DOCK8: variants seen among roughly 807,000 people sequenced by gnomAD.
DOCK8 encodes the protein dedicator of cytokinesis 8, also known as dedicator of cytokinesis protein 8.
A neutral mutation model predicts 245.6 loss-of-function variants in DOCK8; 141 were observed. That is an observed-to-expected ratio of 0.57 (90% CI 0.50 to 0.66). DOCK8 has a LOEUF of 0.66. Ranked by LOEUF, DOCK8 falls within the 30% of genes least tolerant of loss-of-function variation. The probability of loss-of-function intolerance (pLI) is 0.00; values close to 1 mark genes in which losing one functional copy is unlikely to be tolerated. For synonymous variants in DOCK8, 1,168 were observed against 970.2 expected (o/e 1.20, Z -3.79); for missense variants, 2,965 against 2,603.4 (o/e 1.14, Z -3.02).
chr9:370,087 G>C, intron 15 of DOCK8, 143 bp from the exon 16 acceptor site: 2 of 732,388 alleles, frequency 2.7e-6, no homozygotes, highest in Non-Finnish European at 4.9e-6. Context: ...ACAGGTGTGA[G>C]CCACTGCTCC....
At chr9:257,886 G>A (rs1025418288) in intron 1 of DOCK8, among the ~76,000 whole-genome samples, 1 of 152,220 alleles carries the variant, frequency 6.6e-6, no homozygotes, top group African/African-American at 2.4e-5. Context: ...GTCTGGCGGA[G>A]GCCTGATAGT....
chr9:343,317 AC>A (rs758601490), intron 14 of DOCK8, among the ~76,000 whole-genome samples: 1 of 151,904 alleles, frequency 6.6e-6, no homozygotes, highest in Admixed American at 6.6e-5. Context: ...ACATAGTGAG[AC>A]CCCCATCTCT....
At chr9:400,995 C>CCACCACCACCTCCTCCACCAT (rs2055052725) in intron 26 of DOCK8, among the ~76,000 whole-genome samples, 5 of 54,636 alleles carry the variant, frequency 9.2e-5, no homozygotes, top group South Asian at 6.7e-4. Context: ...TCCTCCACCA[C>CCACCACCACCTCCTCCACCAT]CACCACCATT....
At chr9:237,738 C>G (rs2047288395) in intron 1 of DOCK8, among the ~76,000 whole-genome samples, 1 of 152,120 alleles carries the variant, frequency 6.6e-6, no homozygotes. Context: ...CCTAGAAATC[C>G]CACACATTGA....
At chr9:382,384 G>C in intron 21 of DOCK8, 129 bp from the exon 22 acceptor site, 1 of 1,298,432 alleles carries the variant, frequency 7.7e-7, no homozygotes. Flanking sequence ...GATTTGTTAA[G>C]AAGTCTCTAA....
intron 5 of DOCK8, among the ~76,000 whole-genome samples, chr9:309,302 T>G (rs2049990942): frequency 6.6e-6 from 1 of 152,212 alleles, no homozygotes; most frequent in Non-Finnish European, 1.5e-5. Flanking sequence ...GTGTTAATAT[T>G]GATTATTTCT....
intron 28 of DOCK8, among the ~76,000 whole-genome samples, chr9:410,154 G>A (rs982847967): frequency 1.3e-5 from 2 of 151,940 alleles, no homozygotes; most frequent in African/African-American, 4.8e-5. Context: ...TTTATATAAA[G>A]AACCTGAATC....
chr9:400,964 A>ATCTTCACCATCACCACCATCGC (rs1564016879), intron 26 of DOCK8, among the ~76,000 whole-genome samples: 4 of 111,610 alleles, frequency 3.6e-5, no homozygotes, highest in Admixed American at 9.5e-5. Flanking sequence ...CACCACCACC[A>ATCTTCACCATCACCACCATCGC]CCTCCTCCAC....
intron 1 of DOCK8, 86 bp downstream of exon 1, chr9:215,115 G>A: frequency 1.3e-6 from 2 of 1,499,414 alleles, no homozygotes; most frequent in Non-Finnish European, 1.8e-6. Flanking sequence ...GGCCGAGGCC[G>A]GACGAGTCCA....
At chr9:215,603 A>C (rs939471064) in intron 1 of DOCK8, 12 of 612,472 alleles carry the variant, frequency 2.0e-5, no homozygotes, top group Admixed American at 4.4e-5. Flanking sequence ...TGAAGTGGAA[A>C]AAGTGATTTT....
chr9:446,207 G>A (rs1049349062), intron 43 of DOCK8, among the ~76,000 whole-genome samples, 163 bp from the exon 44 acceptor site: 6 of 152,200 alleles, frequency 3.9e-5, no homozygotes, highest in Admixed American at 2.6e-4. Context: ...TGGGGGTGGA[G>A]AGGAGGAACT....
Position 359,278 on chromosome 9 carries a change from A to G in DOCK8, c.1680-8740A>G, listed in dbSNP as rs573774432. Among the ~76,000 whole-genome samples the G allele has an allele frequency of 7.9e-5, 12 of 152,262 alleles. No individual in the cohort carries two copies. The East Asian group carries it at 2.1e-3, about 27-fold the overall frequency. On this transcript the variant is annotated intron_variant, in intron 14 of 47. Coordinates refer to ENST00000432829, the MANE Select transcript of DOCK8 (RefSeq NM_203447.4). ...TGGTGAGTCTAATTGTTGACCAGAGAGATTGTTTACTTCAGAGCACCTGGA... is the reference window on the plus strand; with the variant it reads ...TGGTGAGTCTAATTGTTGACCAGAGGGATTGTTTACTTCAGAGCACCTGGA...
At chr9:286,778 A>G (rs551096476) in intron 3 of DOCK8, 142 bp downstream of exon 3, 4 of 840,984 alleles carry the variant, frequency 4.8e-6, no homozygotes, top group South Asian at 4.4e-5. Flanking sequence ...CAGCTATATG[A>G]TATCATCATG....
In DOCK8 at chr9:383,309, T is replaced by C. The variant is rs548900577; in HGVS notation, c.2778+624T>C. Among the ~76,000 whole-genome samples, 5 of 152,058 alleles carry C rather than the reference T, an allele frequency of 3.3e-5. 1 individual carries two copies. The highest frequency in any genetic ancestry group is 7.4e-5 in the Non-Finnish European group (5 of 67,970). On this transcript the variant is annotated intron_variant, in intron 22 of 47. Transcript: ENST00000432829. The stretch of plus-strand genomic sequence containing the variant: ...CAGCACTTTGGGAGGCCGAGGTGGG[T>C]GGATCACAAGGTCAGGAGTTCGAGA...
chr9:289,935 G>GT (rs2048971154), intron 4 of DOCK8, among the ~76,000 whole-genome samples: 1 of 152,116 alleles, frequency 6.6e-6, no homozygotes, highest in South Asian at 2.1e-4. Flanking sequence ...ATACAGAATT[G>GT]TTTCACTGCC....
intron 15 of DOCK8, 161 bp downstream of exon 15, chr9:368,296 A>G (rs775855565): frequency 1.3e-6 from 1 of 771,656 alleles, no homozygotes; most frequent in South Asian, 1.4e-5. Context: ...CAGTGGGGAA[A>G]CAGGGTCAGT....
Position 446,490 on chromosome 9 carries a change from C to G in DOCK8, c.5701C>G (p.Leu1901Val), listed in dbSNP as rs1454023317. ...RRFMYTTPFT[L>V]EGRPRGELHE... ...GTTCATGTACACCACCCCGTTCACCCTGGAGGGGCGGCCTCGGGGAGAGCT... is the reference window on the plus strand; with the variant it reads ...GTTCATGTACACCACCCCGTTCACCGTGGAGGGGCGGCCTCGGGGAGAGCT... Residue 1901 changes from leucine (L) to valine (V), a missense_variant, in exon 44 of 48, where the codon CTG (leucine) becomes GTG (valine). Transcript: ENST00000432829. The G allele has an allele frequency of 6.2e-7, 1 of 1,614,088 alleles. No homozygotes were observed. Among genetic ancestry groups the G allele is most frequent in the African/African-American group, 1.3e-5 (1 of 74,932 alleles).
At chr9:292,068 T>TAAAA (rs1796119727) in intron 4 of DOCK8, among the ~76,000 whole-genome samples, 3 of 6,192 alleles carry the variant, frequency 4.8e-4, no homozygotes, top group South Asian at 6.2e-3. Context: ...AGACCCTATC[T>TAAAA]CAAAAAAAAA....
chr9:429,506 G>T (rs1338872125), intron 35 of DOCK8, among the ~76,000 whole-genome samples, 196 bp from the exon 36 acceptor site: 2 of 152,160 alleles, frequency 1.3e-5, no homozygotes, highest in African/African-American at 4.8e-5. Context: ...TAGCTGGACA[G>T]TTCATTATTA....
Sources: allele counts gnomAD v4.1 joint callset (sites outside exome capture counted in the v4.1 genomes callset), GRCh38; gene constraint gnomAD v4.1.1; transcripts MANE v1.5; gene names NCBI Gene and HGNC (gene_info 2026-07-23, HGNC 2026-07-21).